PCDHGB1: variants seen among roughly 807,000 people sequenced by gnomAD.
PCDHGB1 encodes the protein protocadherin gamma-B1.
Under a neutral mutation model 56.6 loss-of-function variants are expected in PCDHGB1, and 34 were observed. The ratio of observed to expected loss-of-function variants is 0.60; its 90% confidence interval spans 0.46 to 0.80. The LOEUF is 0.80. PCDHGB1 is among the 30% of genes least tolerant of loss of function. The pLI, the probability that PCDHGB1 is intolerant of heterozygous loss-of-function variation, is 0.00. For synonymous variants in PCDHGB1, 561 were observed against 505.9 expected, an observed-to-expected ratio of 1.11 and a Z score of -1.46; for missense variants, 1,278 against 1,204.6, an observed-to-expected ratio of 1.06 and a Z score of -0.90.
intron 1 of PCDHGB1, chr5:141,370,631 C>A (rs1192871928): frequency 6.2e-7 from 1 of 1,613,710 alleles, no homozygotes; most frequent in South Asian, 1.1e-5. Flanking sequence ...CCGTGAGCCC[C>A]GAAAATGGGA....
chr5:141,407,505 T>TTTTTTTTTTTTTTTTTTTTTTG (rs1460306566), intron 1 of PCDHGB1, among the ~76,000 whole-genome samples: 3 of 152,144 alleles, frequency 2.0e-5, no homozygotes, highest in African/African-American at 4.8e-5. Flanking sequence ...CTGTTTTTCT[T>TTTTTTTTTTTTTTTTTTTTTTG]AGGCTATGTA....
intron 1 of PCDHGB1, chr5:141,417,977 G>T (rs752463782): frequency 1.2e-6 from 2 of 1,613,872 alleles, no homozygotes; most frequent in South Asian, 2.2e-5. Context: ...GATTCCGGAG[G>T]AGCTGGCCAA....
chr5:141,403,074 A>T (rs777613681), intron 1 of PCDHGB1: 1 of 1,614,088 alleles, frequency 6.2e-7, no homozygotes, highest in South Asian at 1.1e-5. Context: ...GAGACAGAAA[A>T]GGGCTATATT....
rs200369157 is a variant in PCDHGB1 at position 141,351,558 on chromosome 5, G to A, written c.1298G>A (p.Ser433Asn). The stretch of plus-strand genomic sequence containing the variant: ...AAACCAGCCCTTTCCTCCAGGACAA[G>A]CATCACCCTGCACATCTCCGACATC... ...KGKPALSSRTSITLHISDIND... is the reference protein window; with the variant it reads ...KGKPALSSRTNITLHISDIND... Residue 433 changes from serine to asparagine, a missense_variant, in exon 1 of 4, where the codon AGC (serine) becomes AAC (asparagine). Transcript: ENST00000523390. 931 of 1,614,024 alleles carry A rather than the reference G, an allele frequency of 5.8e-4. 2 individuals carry two copies. The highest frequency in any genetic ancestry group is 8.9e-4 in the South Asian group (81 of 91,082).
Position 141,493,477 on chromosome 5 carries a change from G to A in PCDHGB1, c.2410-1330G>A, listed in dbSNP as rs1657824440. On this transcript the variant is annotated intron_variant, in intron 1 of 3. Transcript: ENST00000523390. This position sits in a 1 kb window ranked among gnomAD's most constrained non-coding sequence, Gnocchi z 4.3. ...TTCCCTTTTAGGACCTTACATGTGG[G>A]GAAAGTCTTCTGTGGCTCCTCATTT... is the stretch of plus-strand genomic sequence containing the variant. Among the ~76,000 whole-genome samples, 3 of 152,124 alleles carry A rather than the reference G, an allele frequency of 2.0e-5. No individual in the cohort carries two copies. The highest frequency in any genetic ancestry group is 6.5e-5 in the Admixed American group (1 of 15,272).
At chr5:141,359,694 G>C (rs4912605) in intron 1 of PCDHGB1, among the ~76,000 whole-genome samples, 1 of 151,894 alleles carries the variant, frequency 6.6e-6, no homozygotes, top group Non-Finnish European at 1.5e-5. Flanking sequence ...ACATATCTCC[G>C]GAAGGATACC....
intron 1 of PCDHGB1, among the ~76,000 whole-genome samples, chr5:141,445,751 G>T (rs1211416281): frequency 2.0e-5 from 3 of 152,102 alleles, no homozygotes; most frequent in Non-Finnish European, 4.4e-5. Context: ...AAAAATAAAA[G>T]GTGTGACTCA....
Position 141,440,827 on chromosome 5 carries a change from A to G in PCDHGB1, c.2410-53980A>G, listed in dbSNP as rs570022849. 7 of 152,196 alleles carry G rather than the reference A, an allele frequency of 4.6e-5. 1 individual carries two copies. The highest frequency in any genetic ancestry group is 1.4e-4 in the African/African-American group (6 of 41,526). 9.4% of individuals were successfully genotyped at this position (152,196 alleles called of 1,614,324 possible). A position where few individuals can be genotyped will look rare whatever the true frequency, so the allele number is the denominator to read the frequency against. ...GCAGCATCACTCAACTCCTGATCCT[A>G]TTGGTTGAAGCCAATGACAACCCTG... On this transcript the variant is annotated intron_variant, in intron 1 of 3. Transcript: ENST00000523390.
intron 1 of PCDHGB1, chr5:141,421,696 A>G: frequency 6.2e-7 from 1 of 1,613,886 alleles, no homozygotes; most frequent in Non-Finnish European, 8.5e-7. Context: ...TGCTCTTCCT[A>G]ATGCTAGGGA....
intron 1 of PCDHGB1, chr5:141,404,978 G>C: frequency 6.2e-7 from 1 of 1,613,976 alleles, no homozygotes; most frequent in Non-Finnish European, 8.5e-7. Context: ...GGCTGACCTG[G>C]GCAGTCTTCA....
chr5:141,433,358 C>CCCATCTAT (rs1554125967), intron 1 of PCDHGB1: 6 of 503,934 alleles, frequency 1.2e-5, no homozygotes, highest in Admixed American at 3.6e-5. Context: ...CTACTGTCTG[C>CCCATCTAT]CTATCTATCT....
intron 1 of PCDHGB1, chr5:141,433,104 A>G: frequency 6.2e-7 from 1 of 1,614,214 alleles, no homozygotes; most frequent in Non-Finnish European, 8.5e-7. Flanking sequence ...CTCGTCAGCC[A>G]GGAGAGCTTT....
At chr5:141,422,705 C>T (rs371027437) in intron 1 of PCDHGB1, 2 of 1,602,706 alleles carry the variant, frequency 1.2e-6, no homozygotes, top group South Asian at 1.1e-5. Context: ...TACTCTCTGA[C>T]GGATGACACT....
chr5:141,498,971 G>GGGAAGGAAGGAAGGAAGGAAGGAA (rs201769957), intron 2 of PCDHGB1, among the ~76,000 whole-genome samples: 2 of 110,972 alleles, frequency 1.8e-5, no homozygotes, highest in African/African-American at 3.6e-5. Context: ...GAGGGAGGGA[G>GGGAAGGAAGGAAGGAAGGAAGGAA]GGAAGGAAGG....
intron 1 of PCDHGB1, chr5:141,360,961 G>A (rs1761819904): frequency 1.2e-6 from 2 of 1,613,940 alleles, no homozygotes; most frequent in Non-Finnish European, 8.5e-7. Context: ...CATAAACGCA[G>A]AGATCACCTA....
At chr5:141,406,957 G>A (rs184355186) in intron 1 of PCDHGB1, among the ~76,000 whole-genome samples, 69 of 152,242 alleles carry the variant, frequency 4.5e-4, no homozygotes, top group African/African-American at 1.6e-3. Context: ...ACATAGTGTT[G>A]TTTCAAATAG....
chr5:141,428,523 T>G, intron 1 of PCDHGB1: 1 of 278,554 alleles, frequency 3.6e-6, no homozygotes, highest in Non-Finnish European at 7.1e-6. Context: ...AAAGAAGATT[T>G]AATTTTCTCA....
chr5:141,398,175 G>C, intron 1 of PCDHGB1: 1 of 1,475,074 alleles, frequency 6.8e-7, no homozygotes, highest in Non-Finnish European at 9.0e-7. Flanking sequence ...GGCTGCCAGT[G>C]CTCTTTCTCT....
At chr5:141,430,220 G>A (rs1216694883) in intron 1 of PCDHGB1, among the ~76,000 whole-genome samples, 1 of 148,674 alleles carries the variant, frequency 6.7e-6, no homozygotes, top group Non-Finnish European at 1.5e-5. Flanking sequence ...TATATTATAT[G>A]ATTTGTCAAA....
Sources: gnomAD v4.1 joint callset for allele counts (sites outside exome capture counted in the v4.1 genomes callset) on GRCh38, gnomAD v4.1.1 for gene constraint, Gnocchi (gnomAD v3.1) non-coding constraint, MANE v1.5 for transcripts, NCBI Gene and HGNC (gene_info 2026-07-23, HGNC 2026-07-21) for gene names.